THSD4: variants seen among roughly 807,000 people sequenced by gnomAD.
THSD4 encodes the protein thrombospondin type 1 domain containing 4.
THSD4 carries 69 observed loss-of-function variants against 119.0 expected under a neutral mutation model. That is an observed-to-expected ratio of 0.58 (90% confidence interval 0.48 to 0.71). The LOEUF (loss-of-function observed/expected upper bound fraction) is 0.71, where lower values mean the gene tolerates loss of function less well. Ranked by LOEUF, THSD4 falls within the 30% of genes least tolerant of loss-of-function variation. The pLI is 0.00. For synonymous variants in THSD4, 524 were observed against 540.4 expected (o/e 0.97, Z 0.42); for missense variants, 1,393 against 1,391.1 (o/e 1.00, Z -0.02).
chr15:71,612,845 G>A (rs1000424850), intron 7 of THSD4, among the ~76,000 whole-genome samples: 1 of 152,204 alleles, frequency 6.6e-6, no homozygotes, highest in African/African-American at 2.4e-5. Context: ...GAAGTTTCTG[G>A]TGATTGCTAA....
At chr15:71,214,111 C>T (rs1331197004) in intron 3 of THSD4, among the ~76,000 whole-genome samples, 1 of 151,958 alleles carries the variant, frequency 6.6e-6, no homozygotes, top group Non-Finnish European at 1.5e-5. Context: ...CACCAATCAG[C>T]ACTCTGTGTA....
chr15:71,742,726 A>G (rs530684626), intron 11 of THSD4, among the ~76,000 whole-genome samples: 1 of 152,022 alleles, frequency 6.6e-6, no homozygotes, highest in African/African-American at 2.4e-5. Flanking sequence ...AAACTGACCC[A>G]AAGAAGGAAA....
intron 1 of THSD4, among the ~76,000 whole-genome samples, chr15:71,104,923 G>A (rs550090493): frequency 6.6e-6 from 1 of 152,118 alleles, no homozygotes; most frequent in Non-Finnish European, 1.5e-5. Context: ...TGTCCGGCAC[G>A]GCCTTATGTC....
chr15:71,215,191 C>G lies in THSD4; in HGVS notation c.256C>G (p.Arg86Gly), dbSNP rs1051436138. The change falls in exon 4 of 18, where the codon CGC (arginine) becomes GGC (glycine). Residue 86 changes from arginine (R) to glycine (G), a missense_variant. By Grantham distance (125) the Arg-to-Gly change is moderately radical (BLOSUM62 -2). Coordinates refer to ENST00000261862, the MANE Select transcript of THSD4 (RefSeq NM_024817.3). ...GCGGCCCTGCCTGCCCCGCTCCTACCGCCTGCGCGGCGGCCAGCGGCCTGG... is the reference window on the plus strand; with the variant it reads ...GCGGCCCTGCCTGCCCCGCTCCTACGGCCTGCGCGGCGGCCAGCGGCCTGG... ...QTRPCLPRSY[R>G]LRGGQRPGAP... 1.3e-5 allele frequency: 18 copies of G among 1,361,136 alleles called. No individual in the cohort carries two copies. Among genetic ancestry groups the G allele is most frequent in the African/African-American group, 1.2e-4 (8 of 65,278 alleles). The allele number at this position is 1,361,136 out of a possible 1,614,324, so 84.3% of individuals were successfully genotyped here. A position where few individuals can be genotyped will look rare whatever the true frequency, so the allele number is the denominator to read the frequency against.
intron 2 of THSD4, among the ~76,000 whole-genome samples, chr15:71,141,866 G>A (rs761167051): frequency 5.3e-5 from 8 of 152,148 alleles, no homozygotes; most frequent in Non-Finnish European, 1.0e-4. Context: ...CATTTTGGGA[G>A]GCTGAGGCAG....
intron 7 of THSD4, among the ~76,000 whole-genome samples, chr15:71,428,110 G>A (rs191008059): frequency 6.6e-6 from 1 of 152,260 alleles, no homozygotes; most frequent in East Asian, 1.9e-4. Flanking sequence ...AGTCCTCTGG[G>A]CCAGATAGTC....
At chr15:71,749,522 G>T (rs978569724) in intron 14 of THSD4, among the ~76,000 whole-genome samples, 1 of 152,110 alleles carries the variant, frequency 6.6e-6, no homozygotes. Context: ...ACCTTGGTTA[G>T]CGGCCTACCT....
chr15:71,164,839 A>G (rs1014210056), intron 3 of THSD4: 370 of 1,582,332 alleles, frequency 2.3e-4, no homozygotes, highest in Non-Finnish European at 2.9e-4. Context: ...CATCCTCTTC[A>G]TCTTCCTCAT....
chr15:71,515,663 T>C (rs2048350447), intron 7 of THSD4, among the ~76,000 whole-genome samples: 1 of 152,126 alleles, frequency 6.6e-6, no homozygotes, highest in Admixed American at 6.5e-5. Context: ...GCCTTTGAAA[T>C]GCAGCTTGTG....
At chr15:71,252,917 TTGC>T (rs2044276047) in intron 5 of THSD4, among the ~76,000 whole-genome samples, 1 of 152,192 alleles carries the variant, frequency 6.6e-6, no homozygotes, top group Non-Finnish European at 1.5e-5. Flanking sequence ...TCTGCCTTCC[TTGC>T]CTGTACCACA....
chr15:71,503,813 C>A (rs2048149949), intron 7 of THSD4, among the ~76,000 whole-genome samples: 1 of 152,184 alleles, frequency 6.6e-6, no homozygotes, highest in Non-Finnish European at 1.5e-5. Flanking sequence ...TTGAGACAGT[C>A]ATAGTAAAGT....
chr15:71,511,242 C>T (rs375569622), intron 7 of THSD4, among the ~76,000 whole-genome samples: 4 of 152,082 alleles, frequency 2.6e-5, no homozygotes, highest in African/African-American at 9.7e-5. Context: ...TCTTGAGGGA[C>T]GTTTTAACAG....
At chr15:71,606,698 G>A (rs537512519) in intron 7 of THSD4, among the ~76,000 whole-genome samples, 5 of 152,048 alleles carry the variant, frequency 3.3e-5, no homozygotes, top group Admixed American at 2.0e-4. Flanking sequence ...GTGCCACCAC[G>A]CCTGGCTAAT....
At chr15:71,522,516 G>A in intron 7 of THSD4, among the ~76,000 whole-genome samples, 1 of 152,164 alleles carries the variant, frequency 6.6e-6, no homozygotes, top group Admixed American at 6.5e-5. Context: ...CTGATTGAGT[G>A]TTTGGAAAAA....
chr15:71,296,380 C>A (rs1280393826), intron 6 of THSD4, among the ~76,000 whole-genome samples: 3 of 152,168 alleles, frequency 2.0e-5, no homozygotes, highest in African/African-American at 7.2e-5. Context: ...TTTATGAGCT[C>A]CCCAGGTAAT....
chr15:71,515,079 C>A (rs1267876386), intron 7 of THSD4, among the ~76,000 whole-genome samples: 1 of 152,144 alleles, frequency 6.6e-6, no homozygotes, highest in African/African-American at 2.4e-5. Flanking sequence ...GTTTGGACAT[C>A]CTTAAGGAAT....
intron 6 of THSD4, among the ~76,000 whole-genome samples, chr15:71,292,068 A>T (rs1016802983): frequency 2.0e-5 from 3 of 152,240 alleles, no homozygotes; most frequent in Non-Finnish European, 4.4e-5. Flanking sequence ...TAGACTTGAC[A>T]TAATTAAACC....
intron 8 of THSD4, among the ~76,000 whole-genome samples, chr15:71,683,717 G>C (rs1000082899): frequency 2.0e-5 from 3 of 152,164 alleles, no homozygotes; most frequent in Non-Finnish European, 2.9e-5. Flanking sequence ...GCTTACACCT[G>C]TAATCCCAGC....
chr15:71,358,566 T>G (rs1419472447), intron 6 of THSD4, among the ~76,000 whole-genome samples: 1 of 152,208 alleles, frequency 6.6e-6, no homozygotes, highest in Non-Finnish European at 1.5e-5. Context: ...AAGCCACTTA[T>G]CAACAGCATG....
Sources: allele counts gnomAD v4.1 joint callset (sites outside exome capture counted in the v4.1 genomes callset), GRCh38; gene constraint gnomAD v4.1.1; transcripts MANE v1.5; gene names NCBI Gene and HGNC (gene_info 2026-07-23, HGNC 2026-07-21).